Variants in FKBP11 observed in about 807,000 individuals in gnomAD.
FKBP11 encodes the protein peptidyl-prolyl cis-trans isomerase FKBP11.
A neutral mutation model predicts 24.7 loss-of-function variants in FKBP11; 21 were observed. The observed-to-expected ratio is 0.85, with a 90% CI of 0.60 to 1.23. The LOEUF is 1.23. Ranked by LOEUF, FKBP11 falls within the 50% of genes most tolerant of loss-of-function variation. The pLI is 0.00. For missense variants in FKBP11, 245 were observed against 248.7 expected, an observed-to-expected ratio of 0.99 and a Z score of 0.10; for synonymous variants, 106 against 100.6, an observed-to-expected ratio of 1.05 and a Z score of -0.32.
At chr12:48,923,554 A>T (rs1255817510) in intron 5 of FKBP11, 1 of 1,551,646 alleles carries the variant, frequency 6.4e-7, no homozygotes. Context: ...CTAACAAGTT[A>T]CTGGCTGCTG....
At chr12:48,925,253 A>T in intron 1 of FKBP11, 47 bp downstream of exon 1, 1 of 1,601,984 alleles carries the variant, frequency 6.2e-7, no homozygotes, top group Non-Finnish European at 8.5e-7. Context: ...ATTACCACCC[A>T]ACAAGGCTCG....
At chr12:48,934,049 G>A in the FKBP11 span, among the ~76,000 whole-genome samples, 9 of 152,118 alleles carry the variant, frequency 5.9e-5, no homozygotes, top group Non-Finnish European at 1.2e-4. Flanking sequence ...GAGTTCAGTG[G>A]TTTGACCTAC....
chr12:48,925,139 T>A (rs1321567402), intron 1 of FKBP11, 28 bp from the exon 2 acceptor site: 2 of 1,610,808 alleles, frequency 1.2e-6, no homozygotes, highest in South Asian at 1.1e-5. Flanking sequence ...GGGTCACGGA[T>A]GCTCTTCCAA....
chr12:48,928,430 C>T (rs1189446273), upstream of FKBP11, among the ~76,000 whole-genome samples: 3 of 150,806 alleles, frequency 2.0e-5, no homozygotes, highest in Non-Finnish European at 3.0e-5. Flanking sequence ...CTGCAACCTC[C>T]GCCTCCTGAG....
At chr12:48,927,482 T>C (rs1365419710), upstream of FKBP11, among the ~76,000 whole-genome samples, 1 of 152,220 alleles carries the variant, frequency 6.6e-6, no homozygotes, top group Non-Finnish European at 1.5e-5. Flanking sequence ...AATCTGTGCA[T>C]TTCACTGTTT....
the FKBP11 span, among the ~76,000 whole-genome samples, chr12:48,934,974 G>A: frequency 0.043 from 6,133 of 142,794 alleles, 192 homozygotes; most frequent in Non-Finnish European, 0.061. Flanking sequence ...AGCCGATATC[G>A]TGCCATTGCC....
the FKBP11 span, chr12:48,931,561 A>C: frequency 2.6e-6 from 3 of 1,165,936 alleles, no homozygotes; most frequent in Non-Finnish European, 3.7e-6. Context: ...GATACAACTT[A>C]ATCACAGAAC....
In FKBP11 at chr12:48,924,212, G is replaced by T. The variant is rs139448829; in HGVS notation, c.317+11C>A. ...GGGGGTACCCAGGCCCACCCCTGCC[G>T]AGATACTCACCCCACACACATGTCG... is the stretch of plus-strand genomic sequence containing the variant. On this transcript the variant is annotated intron_variant, in intron 4 of 5. Coordinates refer to ENST00000550765, the MANE Select transcript of FKBP11 (RefSeq NM_016594.3). 1.9e-6 allele frequency: 3 copies of T among 1,614,048 alleles called. No homozygotes were observed. Among genetic ancestry groups the T allele is most frequent in the Non-Finnish European group, 2.5e-6 (3 of 1,179,996 alleles).
At chr12:48,928,816 A>ATATTTTTT (rs1339667231), upstream of FKBP11, among the ~76,000 whole-genome samples, 14 of 103,476 alleles carry the variant, frequency 1.4e-4, no homozygotes, top group Non-Finnish European at 2.9e-4. Flanking sequence ...ATAAACTTCT[A>ATATTTTTT]TCTTTTTTTT....
chr12:48,925,948 C>T (rs1407555407), upstream of FKBP11: 1 of 154,216 alleles, frequency 6.5e-6, no homozygotes, highest in Non-Finnish European at 1.4e-5. Context: ...CAGTGTCTGG[C>T]TGGCAGACCC....
chr12:48,935,018 C>CAAAAA, the FKBP11 span, among the ~76,000 whole-genome samples: 13 of 87,522 alleles, frequency 1.5e-4, no homozygotes, highest in Admixed American at 2.8e-4. Flanking sequence ...AATTCCGTCT[C>CAAAAA]AAAAAAAAAA....
At chr12:48,925,137 G>T (rs771694555) in intron 1 of FKBP11, 26 bp from the exon 2 acceptor site, 1 of 1,611,410 alleles carries the variant, frequency 6.2e-7, no homozygotes, top group East Asian at 2.2e-5. Context: ...AGGGGTCACG[G>T]ATGCTCTTCC....
Position 48,922,256 on chromosome 12 carries a change from C to G in FKBP11, c.389-55G>C, listed in dbSNP as rs1237845787. ...GACTCTCTGCATTTTATCCAGGGCT[C>G]AGAATCTGAATGAAAATAGGGAGCG... On this transcript the variant is annotated intron_variant, in intron 5 of 5. Transcript: ENST00000550765. 9.2e-6 allele frequency: 14 copies of G among 1,513,966 alleles called. No individual in the cohort carries two copies. The East Asian group carries it at 3.0e-4, about 32-fold the overall frequency. 93.8% of individuals were successfully genotyped at this position (1,513,966 alleles called of 1,614,324 possible). A position where few individuals can be genotyped will look rare whatever the true frequency, so the allele number is the denominator to read the frequency against.
At position 48,922,281 on chromosome 12, in the gene FKBP11, G is replaced by A. The variant is rs556980579; in HGVS notation, c.389-80C>T. ...CAGAATCTGAATGAAAATAGGGAGC[G>A]TAGGCCACAGCAAAGCCAACAACTA... On this transcript the variant is annotated intron_variant, in intron 5 of 5. Coordinates refer to ENST00000550765, the MANE Select transcript of FKBP11 (RefSeq NM_016594.3). 78 of 1,310,810 alleles carry A rather than the reference G, an allele frequency of 6.0e-5. 1 individual carries two copies. The highest frequency in any genetic ancestry group is 4.8e-4 in the South Asian group (35 of 72,916). 81.2% of individuals were successfully genotyped at this position (1,310,810 alleles called of 1,614,324 possible).
chr12:48,925,646 G>A (rs1763477715), upstream of FKBP11: 6 of 609,660 alleles, frequency 9.8e-6, no homozygotes, highest in Non-Finnish European at 1.7e-5. Flanking sequence ...TCCGGAGGGC[G>A]CAGGTTCTGA....
upstream of FKBP11, chr12:48,925,943 T>A (rs1939955451): frequency 6.5e-6 from 1 of 154,270 alleles, no homozygotes; most frequent in African/African-American, 2.4e-5. Flanking sequence ...CCTGGCAGTG[T>A]CTGGCTGGCA....
intron 5 of FKBP11, chr12:48,923,439 C>T (rs567627904): frequency 3.9e-6 from 6 of 1,537,116 alleles, no homozygotes; most frequent in South Asian, 3.6e-5. Flanking sequence ...GGCTGTACAG[C>T]TGACACAGCG....
Position 48,921,980 on chromosome 12 carries a change from T to A in FKBP11, c.*4A>T. 6.4e-7 allele frequency: 1 copy of A among 1,571,628 alleles called. No homozygotes were observed. The highest frequency in any genetic ancestry group is 8.6e-7 in the Non-Finnish European group (1 of 1,163,502). ...CAAATAAGTTTTTTAAAATTTATTATTTATTATTTCTTTTTGCTCTTGTTT... is the reference window on the plus strand; with the variant it reads ...CAAATAAGTTTTTTAAAATTTATTAATTATTATTTCTTTTTGCTCTTGTTT... On this transcript the variant is annotated 3_prime_UTR_variant, in exon 6 of 6. Transcript: ENST00000550765.
At chr12:48,931,619 A>G in the FKBP11 span, 2 of 702,652 alleles carry the variant, frequency 2.8e-6, no homozygotes, top group Non-Finnish European at 2.3e-6. Context: ...GTCAGTGTGT[A>G]GGAGAAACCC....
Sources: gnomAD v4.1 joint callset for allele counts (sites outside exome capture counted in the v4.1 genomes callset) on GRCh38, gnomAD v4.1.1 for gene constraint, MANE v1.5 for transcripts, NCBI Gene and HGNC (gene_info 2026-07-23, HGNC 2026-07-21) for gene names.